The following SGK1 variants were observed in gnomAD, a reference collection of about 807,000 sequenced individuals.
SGK1 encodes the protein serine/threonine-protein kinase Sgk1.
In SGK1, 26 loss-of-function variants were observed where a neutral mutation model predicts 64.2. The observed-to-expected ratio is 0.40, with a 90% confidence interval of 0.30 to 0.56. The LOEUF (loss-of-function observed/expected upper bound fraction) is 0.56. Among genes scored for constraint, SGK1 ranks in the 20% least tolerant of loss-of-function variants. The probability of loss-of-function intolerance (pLI) is 0.38; values close to 1 mark genes in which losing one functional copy is unlikely to be tolerated. For missense variants in SGK1, 519 were observed against 645.6 expected (o/e 0.80, Z 2.12); for synonymous variants, 265 against 239.7 (o/e 1.11, Z -0.98).
chr6:134,277,734 C>T lies in SGK1; in HGVS notation c.70-15586G>A, dbSNP rs557291588. Among the ~76,000 whole-genome samples the T allele has an allele frequency of 1.8e-4, 27 of 152,208 alleles. 2 individuals carry two copies. The highest frequency in any genetic ancestry group is 6.5e-4 in the African/African-American group (27 of 41,520). On this transcript the variant is annotated intron_variant, in intron 1 of 13. Transcript: ENST00000367858. ...TATAGCTCTTAAACTCCGTAATAAC[C>T]TAGGTATATTATGAATTAAATAGGT...
At chr6:134,207,640 C>T (rs1040515149) in intron 2 of SGK1, among the ~76,000 whole-genome samples, 3 of 152,134 alleles carry the variant, frequency 2.0e-5, no homozygotes, top group South Asian at 2.1e-4. Flanking sequence ...CTGGGCAAAC[C>T]GGGACAGTTG....
At chr6:134,175,573 CT>C in intron 3 of SGK1, 1 of 1,565,250 alleles carries the variant, frequency 6.4e-7, no homozygotes, top group Non-Finnish European at 8.7e-7. Context: ...GGACTCGCTC[CT>C]TTTCTGCGCC....
rs549749778 is a variant in SGK1, at chr6:134,270,864, T to C, written c.70-8716A>G. Reference sequence around the variant, plus strand: ...GCCTGTTCTTCTAGCTCAGTAAGTATAAAGTCTCCCTCCTCATCCTCCCCA... The same window carrying C: ...GCCTGTTCTTCTAGCTCAGTAAGTACAAAGTCTCCCTCCTCATCCTCCCCA... On this transcript the variant is annotated intron_variant, in intron 1 of 13. Transcript: ENST00000367858. 5.3e-4 allele frequency among the ~76,000 whole-genome samples: 79 copies of C among 148,110 alleles called. 10 individuals are homozygous for C. Among genetic ancestry groups the C allele is most frequent in the Non-Finnish European group, 9.0e-4 (60 of 66,770 alleles).
chr6:134,311,266 T>C (rs1018647152), intron 1 of SGK1, among the ~76,000 whole-genome samples: 1 of 152,220 alleles, frequency 6.6e-6, no homozygotes, highest in African/African-American at 2.4e-5. Context: ...GATTTGTTCT[T>C]TTATTTTATG....
At position 134,216,886 on chromosome 6, in the gene SGK1, G is replaced by A. The variant is rs189439863; in HGVS notation, c.286-9455C>T. Among the ~76,000 whole-genome samples, 5 of 152,302 alleles carry A rather than the reference G, an allele frequency of 3.3e-5. No individual in the cohort carries two copies. The East Asian group carries it at 9.6e-4, about 29-fold the overall frequency. On this transcript the variant is annotated intron_variant, in intron 2 of 13. Transcript: ENST00000367858. ...CTCTGGGTGGGACAGCACAAACAAA[G>A]GTGTGGGAACAAAACTCAACAAGGC...
chr6:134,215,241 G>C, intron 2 of SGK1: 1 of 375,940 alleles, frequency 2.7e-6, no homozygotes, highest in Admixed American at 3.5e-5. Flanking sequence ...TCAGCCTCCT[G>C]AGTAGCTGGG....
In SGK1 at chr6:134,171,682, G is replaced by C; in HGVS notation, c.1122C>G (p.Asp374Glu). ...ACAAGACAGCTCCCAGGCACCACCA[G>C]TCCACAGTCCTGTCATAAGGCTGCT... ...LHKQPYDRTV[D>E]WWCLGAVLYE... Residue 374 changes from aspartate (D) to glutamate (E), a missense_variant, in exon 11 of 14, where the codon GAC becomes GAG. Asp to Glu is a conservative substitution (Grantham distance 45, BLOSUM62 2). This residue lies in a region of SGK1 where 278 missense variants were observed against 408.7 expected (regional missense o/e 0.68). Transcript: ENST00000367858. 1 of 1,614,024 alleles carries C rather than the reference G, an allele frequency of 6.2e-7. No individual in the cohort carries two copies. Among genetic ancestry groups the C allele is most frequent in the Non-Finnish European group, 8.5e-7 (1 of 1,179,908 alleles).
intron 3 of SGK1, among the ~76,000 whole-genome samples, chr6:134,197,854 AAAATT>A (rs1301575788): frequency 1.7e-4 from 25 of 146,702 alleles, no homozygotes; most frequent in Admixed American, 1.6e-3. Context: ...AAAATAAAAT[AAAATT>A]AAATTAAAAT....
chr6:134,200,592 C>T (rs1427091716), intron 3 of SGK1, among the ~76,000 whole-genome samples: 1 of 152,134 alleles, frequency 6.6e-6, no homozygotes, highest in African/African-American at 2.4e-5. Context: ...CTAACTACCC[C>T]TAATATTTAA....
intron 2 of SGK1, among the ~76,000 whole-genome samples, chr6:134,243,605 G>A (rs1776480803): frequency 6.6e-6 from 1 of 152,170 alleles, no homozygotes; most frequent in Non-Finnish European, 1.5e-5. Flanking sequence ...CTGGCCTCAG[G>A]TGATCTGCTT....
chr6:134,206,367 ATATATATATATATATATTTTTTTTT>A (rs1562250341), intron 3 of SGK1, among the ~76,000 whole-genome samples: 11 of 8,256 alleles, frequency 1.3e-3, no homozygotes, highest in African/African-American at 2.5e-3. Context: ...ATATATATAT[ATATATATATATATATATTTTTTTTT>A]TTTTTTTTTT....
chr6:134,177,348 G>A lies in SGK1; in HGVS notation c.362-2762C>T, dbSNP rs761795566. ...AACTGGCCCATGTCTGCTTCCTCTT[G>A]CAGGGAATCTTCATAGAATGTGACT... On this transcript the variant is annotated intron_variant, in intron 3 of 13. Transcript: ENST00000367858. Among the ~76,000 whole-genome samples, 7 of 152,334 alleles carry A rather than the reference G, an allele frequency of 4.6e-5. No individual in the cohort carries two copies. In the South Asian group the frequency reaches 8.3e-4, roughly 18 times the overall value.
chr6:134,298,695 A>T, intron 1 of SGK1: 1 of 1,050,784 alleles, frequency 9.5e-7, no homozygotes, highest in Non-Finnish European at 1.4e-6. Flanking sequence ...CCTGATGGAC[A>T]TGGTGGAGGC....
At chr6:134,263,771 C>A (rs1369365425) in intron 1 of SGK1, among the ~76,000 whole-genome samples, 2 of 152,014 alleles carry the variant, frequency 1.3e-5, no homozygotes, top group Non-Finnish European at 2.9e-5. Context: ...ATCCTCAGAA[C>A]AGGCAGGGTG....
rs371943722 is a variant in SGK1, at chr6:134,219,387, C to G, written c.286-11956G>C. On this transcript the variant is annotated intron_variant, in intron 2 of 13. Coordinates refer to ENST00000367858, the MANE Select transcript of SGK1 (RefSeq NM_001143676.3). ...CCACTTCGCCTATTTAAATTTCCCTCCTGGCTCTGCAGGCATTGGAGTTTC... is the reference window on the plus strand; with the variant it reads ...CCACTTCGCCTATTTAAATTTCCCTGCTGGCTCTGCAGGCATTGGAGTTTC... Among the ~76,000 whole-genome samples the G allele has an allele frequency of 1.5e-4, 23 of 152,242 alleles. No individual in the cohort carries two copies. The East Asian group carries it at 3.3e-3, about 22-fold the overall frequency.
At chr6:134,220,908 G>C (rs924148201) in intron 2 of SGK1, among the ~76,000 whole-genome samples, 2 of 151,828 alleles carry the variant, frequency 1.3e-5, no homozygotes, top group African/African-American at 2.4e-5. Flanking sequence ...CTTGAACCCG[G>C]GAGGCAGAGG....
intron 1 of SGK1, among the ~76,000 whole-genome samples, chr6:134,277,368 G>A (rs1582758915): frequency 1.3e-5 from 2 of 152,096 alleles, no homozygotes; most frequent in African/African-American, 4.8e-5. Flanking sequence ...AACAAAAAAA[G>A]GAAATAAAAA....
intron 2 of SGK1, 52 bp from the exon 3 acceptor site, chr6:134,207,483 A>G: frequency 8.2e-7 from 1 of 1,224,766 alleles, no homozygotes; most frequent in Non-Finnish European, 1.2e-6. Flanking sequence ...TCATCATTTC[A>G]GCTATTTTAG....
intron 3 of SGK1, among the ~76,000 whole-genome samples, chr6:134,198,970 C>G (rs1455638688): frequency 6.6e-6 from 1 of 152,114 alleles, no homozygotes; most frequent in Non-Finnish European, 1.5e-5. Context: ...ACCGCAGCCT[C>G]CAACTCTTGG....
Sources: gnomAD v4.1 joint callset for allele counts (sites outside exome capture counted in the v4.1 genomes callset) on GRCh38, gnomAD v4.1.1 for gene constraint, gnomAD v4.1.1 regional missense constraint, MANE v1.5 for transcripts, NCBI Gene and HGNC (gene_info 2026-07-23, HGNC 2026-07-21) for gene names.